Variants in NUDT9 observed in about 807,000 individuals in gnomAD.
NUDT9 encodes nudix hydrolase 9, also known as ADP-ribose pyrophosphatase.
A neutral mutation model predicts 41.0 loss-of-function variants in NUDT9; 31 were observed. The ratio of observed to expected loss-of-function variants is 0.76; its 90% CI spans 0.57 to 1.02. The LOEUF (loss-of-function observed/expected upper bound fraction) is 1.02, where lower values mean the gene tolerates loss of function less well. Among genes scored for constraint, NUDT9 ranks in the 50% least tolerant of loss-of-function variants. The pLI, the probability that NUDT9 is intolerant of heterozygous loss-of-function variation, is 0.00. For missense variants in NUDT9, 380 were observed against 431.4 expected (o/e 0.88, Z 1.06); for synonymous variants, 146 against 147.6 (o/e 0.99, Z 0.08).
At chr4:87,424,253 CGTT>C (rs1489927463) in intron 1 of NUDT9, among the ~76,000 whole-genome samples, 79 of 103,930 alleles carry the variant, frequency 7.6e-4, no homozygotes, top group African/African-American at 2.7e-3. Flanking sequence ...CTCCCTAATG[CGTT>C]TTTTTTTTTT....
chr4:87,445,896 C>T (rs561423454), intron 4 of NUDT9, among the ~76,000 whole-genome samples: 3 of 151,960 alleles, frequency 2.0e-5, no homozygotes, highest in African/African-American at 7.2e-5. Context: ...TGCTGATCAT[C>T]TCTCTGATCC....
chr4:87,434,905 C>T, intron 1 of NUDT9, 76 bp from the exon 2 acceptor site: 1 of 1,324,964 alleles, frequency 7.5e-7, no homozygotes, highest in South Asian at 1.4e-5. Flanking sequence ...AGGCGTAAGC[C>T]ACTGCACCCG....
intron 2 of NUDT9, among the ~76,000 whole-genome samples, chr4:87,435,729 C>A (rs1721901165): frequency 6.6e-6 from 1 of 152,088 alleles, no homozygotes; most frequent in Admixed American, 6.5e-5. Context: ...AGAGAAGGGG[C>A]TCTCACTAAA....
At chr4:87,423,459 T>A (rs1202377432) in intron 1 of NUDT9, among the ~76,000 whole-genome samples, 1 of 152,214 alleles carries the variant, frequency 6.6e-6, no homozygotes, top group Non-Finnish European at 1.5e-5. Context: ...TACCTCCTTT[T>A]TTTTAATAAT....
chr4:87,435,812 T>C (rs960466867), intron 2 of NUDT9, among the ~76,000 whole-genome samples: 8 of 152,236 alleles, frequency 5.3e-5, no homozygotes, highest in Non-Finnish European at 8.8e-5. Flanking sequence ...TATTGATATA[T>C]GATTGACAAG....
intron 6 of NUDT9, among the ~76,000 whole-genome samples, chr4:87,452,379 G>C (rs1397398997): frequency 2.0e-5 from 3 of 152,102 alleles, no homozygotes; most frequent in African/African-American, 7.2e-5. Context: ...AGCTCTCTCT[G>C]AAAGAACATT....
chr4:87,450,539 T>C (rs1255573081), intron 5 of NUDT9, among the ~76,000 whole-genome samples: 2 of 151,564 alleles, frequency 1.3e-5, no homozygotes, highest in African/African-American at 2.4e-5. Flanking sequence ...CCACCACACC[T>C]AGCTAATTTT....
chr4:87,431,302 A>T (rs1401500239), intron 1 of NUDT9, among the ~76,000 whole-genome samples: 1 of 152,302 alleles, frequency 6.6e-6, no homozygotes, highest in South Asian at 2.1e-4. Flanking sequence ...GTCTTTCTGT[A>T]TGCCAGTATC....
At chr4:87,423,207 A>C (rs1291331196) in intron 1 of NUDT9, among the ~76,000 whole-genome samples, 195 bp downstream of exon 1, 1 of 152,006 alleles carries the variant, frequency 6.6e-6, no homozygotes, top group African/African-American at 2.4e-5. Context: ...ACCCTTCTTG[A>C]CTTCTGATTT....
chr4:87,434,184 AGCTGGGATTCACCACACCTG>A (rs1393348474), intron 1 of NUDT9: 1 of 152,158 alleles, frequency 6.6e-6, no homozygotes, highest in Non-Finnish European at 1.5e-5. Context: ...CCTCCCGAGT[AGCTGGGATTCACCACACCTG>A]GCTAATTTTT....
At chr4:87,445,081 C>A (rs1722386275) in intron 4 of NUDT9, among the ~76,000 whole-genome samples, 1 of 152,134 alleles carries the variant, frequency 6.6e-6, no homozygotes, top group Admixed American at 6.5e-5. Context: ...TAGTCTATTC[C>A]AGGCATCCTG....
At chr4:87,426,651 C>T (rs150268370) in intron 1 of NUDT9, among the ~76,000 whole-genome samples, 5,110 of 151,698 alleles carry the variant, frequency 0.034, 291 homozygotes, top group African/African-American at 0.12. Flanking sequence ...ACCTTGCGAT[C>T]GCCTGCCTCG....
intron 2 of NUDT9, 26 bp downstream of exon 2, chr4:87,435,246 G>T (rs1279157976): frequency 6.3e-7 from 1 of 1,584,908 alleles, no homozygotes; most frequent in Non-Finnish European, 8.6e-7. Context: ...AGCGTTAGCT[G>T]GGAATAAGAC....
chr4:87,447,164 A>G (rs1722497377), intron 4 of NUDT9, among the ~76,000 whole-genome samples: 1 of 152,152 alleles, frequency 6.6e-6, no homozygotes. Context: ...TCTTGAACAC[A>G]TTATTTTATT....
At chr4:87,423,105 G>C (rs1241099862) in intron 1 of NUDT9, 93 bp downstream of exon 1, 6 of 848,568 alleles carry the variant, frequency 7.1e-6, no homozygotes, top group Non-Finnish European at 1.1e-5. Flanking sequence ...TGTAGGCTTT[G>C]CTTTGCCTCT....
intron 6 of NUDT9, 129 bp downstream of exon 6, chr4:87,451,864 C>A: frequency 1.3e-6 from 1 of 756,962 alleles, no homozygotes. Flanking sequence ...AATATATTCA[C>A]AAAAACAAAT....
chr4:87,451,408 G>A (rs1319404465), intron 5 of NUDT9, among the ~76,000 whole-genome samples, 181 bp from the exon 6 acceptor site: 1 of 152,162 alleles, frequency 6.6e-6, no homozygotes, highest in Non-Finnish European at 1.5e-5. Flanking sequence ...AAATACATGA[G>A]GTATCCTTAT....
intron 1 of NUDT9, among the ~76,000 whole-genome samples, chr4:87,431,085 G>A (rs989812826): frequency 2.0e-5 from 3 of 152,112 alleles, no homozygotes; most frequent in African/African-American, 7.2e-5. Context: ...TTATGTTTAG[G>A]TCTTTGACCC....
In NUDT9 at chr4:87,440,684, A is replaced by G. The variant is rs553738614; in HGVS notation, c.444-1145A>G. On this transcript the variant is annotated intron_variant, in intron 3 of 7. Coordinates refer to ENST00000302174, the MANE Select transcript of NUDT9 (RefSeq NM_024047.5). ...AACATGGTGAAACCCTGTCTCTACT[A>G]AAAATGCGAAAATTAGCTGGGCGTG... Among the ~76,000 whole-genome samples the G allele has an allele frequency of 3.1e-3, 473 of 152,196 alleles. 1 individual carries two copies. Among genetic ancestry groups the G allele is most frequent in the Non-Finnish European group, 4.5e-3 (308 of 68,000 alleles).
Sources: allele counts gnomAD v4.1 joint callset (sites outside exome capture counted in the v4.1 genomes callset), GRCh38; gene constraint gnomAD v4.1.1; transcripts MANE v1.5; gene names NCBI Gene and HGNC (gene_info 2026-07-23, HGNC 2026-07-21).